VAPB: variants seen among roughly 807,000 people sequenced by gnomAD.
VAPB encodes VAMP associated protein B and C, also known as vesicle-associated membrane protein-associated protein B/C.
Under a neutral mutation model 25.6 loss-of-function variants are expected in VAPB, and 7 were observed. That is an observed-to-expected ratio of 0.27 (90% CI 0.16 to 0.51). The LOEUF (loss-of-function observed/expected upper bound fraction) is 0.51, where lower values mean the gene tolerates loss of function less well. Ranked by LOEUF, VAPB falls within the 20% of genes least tolerant of loss-of-function variation. The pLI is 0.97. For synonymous variants in VAPB, 112 were observed against 109.2 expected, an observed-to-expected ratio of 1.03 and a Z score of -0.16; for missense variants, 266 against 301.3, an observed-to-expected ratio of 0.88 and a Z score of 0.87.
rs886056818 is a variant in VAPB, at chr20:58,447,369, G to T, written c.*3134G>T. ...TCCTTCTCTCGTCTTCTGAACTGCT[G>T]GCACCAGCAGTAATACATACTGATA... is the stretch of plus-strand genomic sequence containing the variant. On this transcript the variant is annotated 3_prime_UTR_variant, in exon 6 of 6. Coordinates refer to ENST00000475243, the MANE Select transcript of VAPB (RefSeq NM_004738.5). The T allele has an allele frequency of 6.6e-6, 3 of 453,988 alleles. No homozygotes were observed. The Admixed American group carries it at 7.0e-5, about 11-fold the overall frequency. The allele number at this position is 453,988 out of a possible 1,614,324, so 28.1% of individuals were successfully genotyped here.
At chr20:58,401,661 CCT>C (rs761345478) in intron 1 of VAPB, among the ~76,000 whole-genome samples, 1 of 152,142 alleles carries the variant, frequency 6.6e-6, no homozygotes, top group Admixed American at 6.5e-5. Context: ...TTCTCCTTTC[CCT>C]GTTTCTCTCA....
intron 1 of VAPB, 116 bp from the exon 2 acceptor site, chr20:58,418,094 TA>T: frequency 7.3e-7 from 1 of 1,378,000 alleles, no homozygotes; most frequent in Non-Finnish European, 1.0e-6. Flanking sequence ...ATTGGCATGT[TA>T]ATGAGATAAT....
rs1430759621 is a variant in VAPB at position 58,389,515 on chromosome 20, G to T, written c.56G>T (p.Arg19Leu). The T allele has an allele frequency of 7.6e-6, 12 of 1,588,052 alleles. No homozygotes were observed. Among genetic ancestry groups the T allele is most frequent in the Non-Finnish European group, 1.0e-5 (12 of 1,168,376 alleles). Residue 19 changes from arginine (R) to leucine (L), a missense_variant and splice_region_variant, in exon 1 of 6, where the codon CGA becomes CTA. Coordinates refer to ENST00000475243, the MANE Select transcript of VAPB (RefSeq NM_004738.5). Reference protein sequence around the residue: ...SLEPQHELKFRGPFTDVVTTN... With the variant: ...SLEPQHELKFLGPFTDVVTTN... ...GAGCCGCAGCACGAGCTCAAATTCC[G>T]AGGTAAGCCCCAGAGGCCGCCACCT...
At chr20:58,414,557 C>T (rs939246608) in intron 1 of VAPB, among the ~76,000 whole-genome samples, 7 of 151,210 alleles carry the variant, frequency 4.6e-5, no homozygotes, top group East Asian at 2.0e-4. Context: ...GGGTCGTGGC[C>T]GGGCAGAGGC....
intron 1 of VAPB, among the ~76,000 whole-genome samples, chr20:58,392,667 T>G (rs1001554823): frequency 6.6e-6 from 1 of 152,234 alleles, no homozygotes; most frequent in African/African-American, 2.4e-5. Flanking sequence ...TAGATGAACC[T>G]CTGAGCTAAC....
At chr20:58,390,335 A>G (rs1311628678) in intron 1 of VAPB, 1 of 145,662 alleles carries the variant, frequency 6.9e-6, no homozygotes, top group Non-Finnish European at 1.5e-5. Flanking sequence ...AGATACTATT[A>G]CCTCTGTAAT....
rs1989355173 is a variant in VAPB, at chr20:58,448,600, A to G, written c.*4365A>G. The G allele has an allele frequency of 4.4e-6, 2 of 453,972 alleles. No individual in the cohort carries two copies. Among genetic ancestry groups the G allele is most frequent in the Admixed American group, 2.3e-5 (1 of 42,556 alleles). The allele number at this position is 453,972 out of a possible 1,614,324, so 28.1% of individuals were successfully genotyped here. On this transcript the variant is annotated 3_prime_UTR_variant, in exon 6 of 6. Coordinates refer to ENST00000475243, the MANE Select transcript of VAPB (RefSeq NM_004738.5). ...CTAAGATACCATTTCAGCTCTGAAA[A>G]TCTGCTTCAGGGAAGTGAGTGGATG...
At chr20:58,398,429 G>A (rs774547344) in intron 1 of VAPB, among the ~76,000 whole-genome samples, 1 of 152,198 alleles carries the variant, frequency 6.6e-6, no homozygotes, top group South Asian at 2.1e-4. Flanking sequence ...GGAATTGAGC[G>A]TGACTCTGAT....
At position 58,445,229 on chromosome 20, in the gene VAPB, G is replaced by C. The variant is rs1281052360; in HGVS notation, c.*994G>C. Reference sequence around the variant, plus strand: ...AGGTTACCTTTTTTAATGAAGAGTAGTCAGTCTTCTAGATTGTTCTTATAC... The same window carrying C: ...AGGTTACCTTTTTTAATGAAGAGTACTCAGTCTTCTAGATTGTTCTTATAC... On this transcript the variant is annotated 3_prime_UTR_variant, in exon 6 of 6. Transcript: ENST00000475243. The C allele has an allele frequency of 2.2e-6, 1 of 454,038 alleles. No homozygotes were observed. Among genetic ancestry groups the C allele is most frequent in the Admixed American group, 2.3e-5 (1 of 42,556 alleles). The allele number at this position is 454,038 out of a possible 1,614,324, so 28.1% of individuals were successfully genotyped here.
intron 1 of VAPB, among the ~76,000 whole-genome samples, chr20:58,398,093 A>G (rs974425528): frequency 1.3e-5 from 2 of 152,232 alleles, no homozygotes; most frequent in South Asian, 2.1e-4. Context: ...AACCTACCCA[A>G]CATCATAGCC....
In VAPB at chr20:58,450,659, T is replaced by C. The variant is rs574938848; in HGVS notation, c.*6424T>C. The C allele has an allele frequency of 4.4e-6, 2 of 454,150 alleles. No homozygotes were observed. The highest frequency in any genetic ancestry group is 3.1e-5 in the South Asian group (2 of 64,478). 28.1% of individuals were successfully genotyped at this position (454,150 alleles called of 1,614,324 possible). A position where few individuals can be genotyped will look rare whatever the true frequency, so the allele number is the denominator to read the frequency against. ...GTTCTCTCCCTATTCTACGTCTTTC[T>C]CCCTATGTTGAAAAAAGATTCCCAC... On this transcript the variant is annotated 3_prime_UTR_variant, in exon 6 of 6. Coordinates refer to ENST00000475243, the MANE Select transcript of VAPB (RefSeq NM_004738.5).
chr20:58,414,845 T>C (rs1317616432), intron 1 of VAPB, among the ~76,000 whole-genome samples: 2 of 152,158 alleles, frequency 1.3e-5, no homozygotes, highest in Non-Finnish European at 2.9e-5. Context: ...GAGGCTGCAA[T>C]CTCAGCACTC....
rs372276123 is a variant in VAPB, at chr20:58,441,090, G to T, written c.573+7G>T. ...GGAGAACAAGCAGTTCAAGGTAATA[G>T]TTTATTTTCTGGTAATCTACAGAAA... On this transcript the variant is annotated splice_region_variant and intron_variant, in intron 5 of 5. Coordinates refer to ENST00000475243, the MANE Select transcript of VAPB (RefSeq NM_004738.5). 6.2e-7 allele frequency: 1 copy of T among 1,613,528 alleles called. No individual in the cohort carries two copies. Among genetic ancestry groups the T allele is most frequent in the Admixed American group, 1.7e-5 (1 of 60,018 alleles).
chr20:58,425,652 G>A lies in VAPB; in HGVS notation c.211+7289G>A, dbSNP rs568992791. On this transcript the variant is annotated intron_variant, in intron 2 of 5. Transcript: ENST00000475243. ...ATGGTGTTTCAGCAGGAACTGCAGT[G>A]TTAGGAGGTATAGTACAGCACAGAT... 1.5e-4 allele frequency among the ~76,000 whole-genome samples: 23 copies of A among 152,308 alleles called. No individual in the cohort carries two copies. In the South Asian group the frequency reaches 4.8e-3, roughly 32 times the overall value.
At chr20:58,396,331 T>C (rs933500010) in intron 1 of VAPB, among the ~76,000 whole-genome samples, 3 of 152,156 alleles carry the variant, frequency 2.0e-5, no homozygotes, top group Non-Finnish European at 1.5e-5. Context: ...ACCTATAATG[T>C]GTTTCAATTA....
At chr20:58,424,931 A>G (rs1400164866) in intron 2 of VAPB, among the ~76,000 whole-genome samples, 1 of 152,250 alleles carries the variant, frequency 6.6e-6, no homozygotes, top group Non-Finnish European at 1.5e-5. Context: ...AGTTCCATCC[A>G]TGGGCCCCTG....
At chr20:58,409,745 C>G (rs1988326523) in intron 1 of VAPB, among the ~76,000 whole-genome samples, 1 of 152,016 alleles carries the variant, frequency 6.6e-6, no homozygotes, top group Non-Finnish European at 1.5e-5. Context: ...TGGTATACAA[C>G]TTATTTGGTA....
chr20:58,428,817 A>G (rs1047396357), intron 2 of VAPB, among the ~76,000 whole-genome samples: 1 of 152,212 alleles, frequency 6.6e-6, no homozygotes, highest in Non-Finnish European at 1.5e-5. Context: ...ATGAGATGAT[A>G]GTAGCTGAGA....
At chr20:58,423,022 G>T (rs1470827659) in intron 2 of VAPB, among the ~76,000 whole-genome samples, 2 of 152,138 alleles carry the variant, frequency 1.3e-5, no homozygotes, top group African/African-American at 4.8e-5. Flanking sequence ...TTTTAAATTA[G>T]AATTCAAAGG....
Sources: allele counts gnomAD v4.1 joint callset (sites outside exome capture counted in the v4.1 genomes callset), GRCh38; gene constraint gnomAD v4.1.1; transcripts MANE v1.5; gene names NCBI Gene and HGNC (gene_info 2026-07-23, HGNC 2026-07-21).